Variants in BPNT1 observed in about 807,000 individuals in gnomAD.
The protein encoded by BPNT1 is 3'(2'), 5'-bisphosphate nucleotidase 1.
Under a neutral mutation model 36.9 loss-of-function variants are expected in BPNT1, and 28 were observed. The observed-to-expected ratio is 0.76, with a 90% CI of 0.56 to 1.04. The LOEUF (loss-of-function observed/expected upper bound fraction) is 1.04. Among genes scored for constraint, BPNT1 ranks in the 50% least tolerant of loss-of-function variants. The pLI, the probability that BPNT1 is intolerant of heterozygous loss-of-function variation, is 0.00. For synonymous variants in BPNT1, 119 were observed against 130.9 expected (o/e 0.91, Z 0.62); for missense variants, 313 against 372.9 (o/e 0.84, Z 1.32).
intron 3 of BPNT1, 120 bp downstream of exon 3, chr1:220,073,847 G>T: frequency 1.1e-6 from 1 of 937,026 alleles, no homozygotes; most frequent in Non-Finnish European, 1.7e-6. Flanking sequence ...TTACTTTTGT[G>T]TTTAAAACAA....
Position 220,062,960 on chromosome 1 carries a change from T to C in BPNT1, c.475-6A>G, listed in dbSNP as rs201898401. ...AACACAGCATCTGGTCCTGCCTGTG[T>C]AAACGAGTGAAACAACAAGACTTGT... On this transcript the variant is annotated splice_polypyrimidine_tract_variant and splice_region_variant and intron_variant, in intron 6 of 8. Transcript: ENST00000322067. 5 of 1,613,874 alleles carry C rather than the reference T, an allele frequency of 3.1e-6. No individual in the cohort carries two copies. The highest frequency in any genetic ancestry group is 3.3e-5 in the Admixed American group (2 of 59,994).
At chr1:220,076,579 G>A (rs536871525) in intron 2 of BPNT1, among the ~76,000 whole-genome samples, 2 of 150,772 alleles carry the variant, frequency 1.3e-5, no homozygotes, top group Admixed American at 1.3e-4. Flanking sequence ...CAGCTACCCA[G>A]GAGGCTGAGG....
chr1:220,071,768 A>T (rs1571762477), intron 4 of BPNT1, among the ~76,000 whole-genome samples: 1 of 151,966 alleles, frequency 6.6e-6, no homozygotes, highest in East Asian at 1.9e-4. Context: ...GCTCACTGTA[A>T]CCTCCGCCTC....
chr1:220,080,748 C>T (rs1665030376), intron 1 of BPNT1, among the ~76,000 whole-genome samples: 1 of 152,158 alleles, frequency 6.6e-6, no homozygotes, highest in Non-Finnish European at 1.5e-5. Context: ...CAAAGCCTCA[C>T]CACATCAGAG....
rs568999203 is a variant in BPNT1, at chr1:220,058,525, T to TG, written c.*318dup. 15 of 1,001,976 alleles carry TG rather than the reference T, an allele frequency of 1.5e-5. 1 individual carries two copies. In the South Asian group the frequency reaches 6.2e-4, roughly 42 times the overall value. The allele number at this position is 1,001,976 out of a possible 1,614,324, so 62.1% of individuals were successfully genotyped here. A position where few individuals can be genotyped will look rare whatever the true frequency, so the allele number is the denominator to read the frequency against. On this transcript the variant is annotated 3_prime_UTR_variant, in exon 9 of 9. Transcript: ENST00000322067. ...AGTAAATGAAACTTTAAGTACTTTT[T>TG]GGGTTTTTGTTTTTTTTTTTTCTGA...
chr1:220,075,592 T>G (rs752409313), intron 2 of BPNT1, among the ~76,000 whole-genome samples: 1 of 152,068 alleles, frequency 6.6e-6, no homozygotes, highest in Non-Finnish European at 1.5e-5. Context: ...TAAATACCAA[T>G]CAAGTTTGTA....
chr1:220,084,222 C>T (rs887875018), intron 1 of BPNT1, among the ~76,000 whole-genome samples: 2 of 151,818 alleles, frequency 1.3e-5, no homozygotes, highest in East Asian at 1.9e-4. Context: ...GTCCCAGCTA[C>T]TCGGGAGGCT....
Position 220,058,743 on chromosome 1 carries a change from G to A in BPNT1, c.*101C>T. 2 of 1,191,048 alleles carry A rather than the reference G, an allele frequency of 1.7e-6. No homozygotes were observed. Among genetic ancestry groups the A allele is most frequent in the South Asian group, 1.3e-5 (1 of 75,570 alleles). The allele number at this position is 1,191,048 out of a possible 1,614,324, so 73.8% of individuals were successfully genotyped here. A position where few individuals can be genotyped will look rare whatever the true frequency, so the allele number is the denominator to read the frequency against. On this transcript the variant is annotated 3_prime_UTR_variant, in exon 9 of 9. Coordinates refer to ENST00000322067, the MANE Select transcript of BPNT1 (RefSeq NM_006085.6). ...GGGGTCTCACGATATTGCCCAGGCT[G>A]GTCTCAAACTCCTGAGCTCAAGTGA...
At chr1:220,066,246 C>T in intron 6 of BPNT1, 3 of 517,006 alleles carry the variant, frequency 5.8e-6, no homozygotes, top group Non-Finnish European at 9.6e-6. Context: ...ATTAAATGCC[C>T]CTTTTGAAAG....
chr1:220,072,197 C>A (rs1664124481), intron 4 of BPNT1, among the ~76,000 whole-genome samples: 1 of 151,200 alleles, frequency 6.6e-6, no homozygotes, highest in Non-Finnish European at 1.5e-5. Context: ...CCCATCTCTA[C>A]TAAAAATACA....
At chr1:220,068,621 A>G (rs1003744359) in intron 5 of BPNT1, among the ~76,000 whole-genome samples, 1 of 151,698 alleles carries the variant, frequency 6.6e-6, no homozygotes, top group Non-Finnish European at 1.5e-5. Flanking sequence ...GACCAGCCTG[A>G]CCAACATGGT....
intron 2 of BPNT1, among the ~76,000 whole-genome samples, chr1:220,078,797 C>T (rs761104983): frequency 1.3e-5 from 2 of 151,888 alleles, no homozygotes; most frequent in South Asian, 4.1e-4. Flanking sequence ...GGGGTTTCAT[C>T]ATGTTGGTCA....
chr1:220,072,523 G>A (rs1299382604), intron 4 of BPNT1, among the ~76,000 whole-genome samples: 5 of 152,004 alleles, frequency 3.3e-5, no homozygotes, highest in Admixed American at 2.0e-4. Context: ...CCATGTTGCC[G>A]AGTCTGGTCT....
At chr1:220,082,889 T>G (rs1264882157) in intron 1 of BPNT1, among the ~76,000 whole-genome samples, 1 of 152,142 alleles carries the variant, frequency 6.6e-6, no homozygotes, top group Non-Finnish European at 1.5e-5. Flanking sequence ...ACAGGAATTA[T>G]GAACCTAACT....
intron 1 of BPNT1, among the ~76,000 whole-genome samples, chr1:220,084,017 T>A (rs1232861713): frequency 6.6e-6 from 1 of 152,054 alleles, no homozygotes; most frequent in African/African-American, 2.4e-5. Flanking sequence ...TACTACTAAT[T>A]CAGGAGCACT....
Position 220,057,840 on chromosome 1 carries a change from G to C in BPNT1, c.*1004C>G, listed in dbSNP as rs1180671959. ...GAGTAGAAACGTTTTTAAAATTACT[G>C]TGAAAAACAAGAGTGAGATTCCAGA... is the stretch of plus-strand genomic sequence containing the variant. On this transcript the variant is annotated 3_prime_UTR_variant, in exon 9 of 9. Coordinates refer to ENST00000322067, the MANE Select transcript of BPNT1 (RefSeq NM_006085.6). 5 of 1,233,424 alleles carry C rather than the reference G, an allele frequency of 4.1e-6. No homozygotes were observed. Among genetic ancestry groups the C allele is most frequent in the Middle Eastern group, 4.5e-4 (2 of 4,494 alleles). The allele number at this position is 1,233,424 out of a possible 1,614,324, so 76.4% of individuals were successfully genotyped here. A position where few individuals can be genotyped will look rare whatever the true frequency, so the allele number is the denominator to read the frequency against.
chr1:220,087,971 G>A (rs1655899220), intron 1 of BPNT1, among the ~76,000 whole-genome samples: 2 of 151,914 alleles, frequency 1.3e-5, no homozygotes, highest in South Asian at 4.1e-4. Flanking sequence ...TCTGCCTCCC[G>A]GGTTTAAGCG....
At chr1:220,074,728 T>C (rs1011760879) in intron 2 of BPNT1, among the ~76,000 whole-genome samples, 15 of 151,894 alleles carry the variant, frequency 9.9e-5, no homozygotes, top group Admixed American at 2.6e-4. Context: ...TCTCCTGATC[T>C]TGTGATCCAC....
Position 220,059,760 on chromosome 1 carries a change from G to A in BPNT1, c.704C>T (p.Ala235Val), listed in dbSNP as rs776341378. Residue 235 changes from alanine to valine, a missense_variant, in exon 8 of 9, where the codon GCT (alanine) becomes GTT (valine). Coordinates refer to ENST00000322067, the MANE Select transcript of BPNT1 (RefSeq NM_006085.6). ...IIQLIEGKAS[A>V]YVFASPGCKK... ...ACAACCAGGACTTGCAAATACATAA[G>A]CAGAGGCTTTGCCTTCAATCAGCTG... 1.3e-5 allele frequency: 21 copies of A among 1,609,314 alleles called. No individual in the cohort carries two copies. The highest frequency in any genetic ancestry group is 1.7e-5 in the Admixed American group (1 of 58,886).
Sources: gnomAD v4.1 joint callset for allele counts (sites outside exome capture counted in the v4.1 genomes callset) on GRCh38, gnomAD v4.1.1 for gene constraint, MANE v1.5 for transcripts, NCBI Gene and HGNC (gene_info 2026-07-23, HGNC 2026-07-21) for gene names.